LARGE1: variants seen among roughly 807,000 people sequenced by gnomAD.
LARGE1 encodes the protein LARGE xylosyl- and glucuronyltransferase 1.
Under a neutral mutation model 87.6 loss-of-function variants are expected in LARGE1, and 43 were observed. The observed-to-expected ratio is 0.49, with a 90% CI of 0.38 to 0.63. The LOEUF (loss-of-function observed/expected upper bound fraction) is 0.63. Among genes scored for constraint, LARGE1 ranks in the 30% least tolerant of loss-of-function variants. The probability of loss-of-function intolerance (pLI) is 0.00; values close to 1 mark genes in which losing one functional copy is unlikely to be tolerated. For missense variants in LARGE1, 802 were observed against 1,000.2 expected (o/e 0.80, Z 2.67); for synonymous variants, 434 against 394.6 (o/e 1.10, Z -1.18).
the LARGE1 span, among the ~76,000 whole-genome samples, chr22:33,111,413 T>G: frequency 6.6e-6 from 1 of 152,144 alleles, no homozygotes; most frequent in Admixed American, 6.5e-5. Context: ...GCTTCTATGA[T>G]TATAGCCACA....
At chr22:33,615,415 G>A (rs1468760279) in intron 4 of LARGE1, among the ~76,000 whole-genome samples, 2 of 152,064 alleles carry the variant, frequency 1.3e-5, no homozygotes, top group East Asian at 1.9e-4. Context: ...TTTTAACATT[G>A]GGTTAGGTAA....
chr22:33,914,530 A>G (rs1381878817), intron 1 of LARGE1, among the ~76,000 whole-genome samples: 1 of 152,228 alleles, frequency 6.6e-6, no homozygotes, highest in African/African-American at 2.4e-5. Flanking sequence ...ACATTTCAGA[A>G]CTAACGGGTT....
intron 6 of LARGE1, among the ~76,000 whole-genome samples, chr22:33,444,507 C>T (rs1038778973): frequency 4.6e-5 from 7 of 152,028 alleles, no homozygotes; most frequent in South Asian, 2.1e-4. Flanking sequence ...CCTTGCATGG[C>T]GAAGTGGTCA....
chr22:33,880,404 T>C (rs1212359450), intron 1 of LARGE1, among the ~76,000 whole-genome samples: 1 of 152,212 alleles, frequency 6.6e-6, no homozygotes, highest in Admixed American at 6.5e-5. Context: ...GCCATTACCA[T>C]GCCAGCATTC....
downstream of LARGE1, among the ~76,000 whole-genome samples, chr22:33,160,699 G>A (rs1031340420): frequency 6.6e-6 from 1 of 152,204 alleles, no homozygotes; most frequent in Non-Finnish European, 1.5e-5. Context: ...GGGAGGTTGC[G>A]TGGAGGCAGT....
intron 1 of LARGE1, among the ~76,000 whole-genome samples, chr22:33,904,227 C>T (rs2065368641): frequency 6.6e-6 from 1 of 151,930 alleles, no homozygotes; most frequent in African/African-American, 2.4e-5. Flanking sequence ...CCAGGCTGGG[C>T]TCACTGCAAC....
chr22:33,484,786 A>G (rs1447039393), intron 6 of LARGE1, among the ~76,000 whole-genome samples: 3 of 151,938 alleles, frequency 2.0e-5, no homozygotes, highest in African/African-American at 4.8e-5. Flanking sequence ...TCCTCTTCAC[A>G]TCCTCTGACC....
intron 11 of LARGE1, among the ~76,000 whole-genome samples, chr22:33,313,290 C>T (rs535174142): frequency 4.6e-5 from 7 of 152,290 alleles, no homozygotes; most frequent in Admixed American, 4.6e-4. Flanking sequence ...GTCCACTCAG[C>T]CTCCAACTCA....
At chr22:33,568,859 C>CATGGATGG (rs560703342) in intron 5 of LARGE1, among the ~76,000 whole-genome samples, 10 of 150,366 alleles carry the variant, frequency 6.7e-5, no homozygotes, top group Admixed American at 2.7e-4. Flanking sequence ...TGGATGAATG[C>CATGGATGG]ATGGATGGAT....
intron 7 of LARGE1, among the ~76,000 whole-genome samples, chr22:33,426,938 C>A (rs888191874): frequency 6.6e-6 from 1 of 152,174 alleles, no homozygotes; most frequent in African/African-American, 2.4e-5. Flanking sequence ...TGCAAATAAA[C>A]CTATCTGCAA....
At chr22:33,852,737 T>G (rs2063631207) in intron 1 of LARGE1, among the ~76,000 whole-genome samples, 1 of 151,070 alleles carries the variant, frequency 6.6e-6, no homozygotes, top group Non-Finnish European at 1.5e-5. Context: ...ACACCTGTAG[T>G]CCCAGCTACT....
chr22:33,671,134 G>C (rs1315576139), intron 2 of LARGE1, among the ~76,000 whole-genome samples: 1 of 152,136 alleles, frequency 6.6e-6, no homozygotes, highest in East Asian at 1.9e-4. Flanking sequence ...GGGCCTTCTA[G>C]GCACACCAAA....
At chr22:33,619,641 A>G (rs2079684660) in intron 4 of LARGE1, among the ~76,000 whole-genome samples, 1 of 152,128 alleles carries the variant, frequency 6.6e-6, no homozygotes, top group Admixed American at 6.6e-5. Flanking sequence ...CAGATTCTGA[A>G]GCTAGATTGC....
intron 2 of LARGE1, 75 bp from the exon 3 acceptor site, chr22:33,650,743 C>A: frequency 6.5e-7 from 1 of 1,533,092 alleles, no homozygotes; most frequent in South Asian, 1.1e-5. Flanking sequence ...CCCCAGACAT[C>A]CCTTACTACA....
At chr22:33,468,446 C>T (rs2068703786) in intron 6 of LARGE1, among the ~76,000 whole-genome samples, 1 of 152,116 alleles carries the variant, frequency 6.6e-6, no homozygotes, top group African/African-American at 2.4e-5. Flanking sequence ...CTTTTAAAAA[C>T]ACAAATAAAC....
At chr22:33,581,319 A>G (rs1378631380) in intron 5 of LARGE1, among the ~76,000 whole-genome samples, 1 of 152,204 alleles carries the variant, frequency 6.6e-6, no homozygotes, top group East Asian at 1.9e-4. Flanking sequence ...GAGACTGTGA[A>G]GCATCACGTA....
intron 4 of LARGE1, among the ~76,000 whole-genome samples, chr22:33,605,250 T>C (rs1156331232): frequency 1.3e-5 from 2 of 152,098 alleles, no homozygotes; most frequent in African/African-American, 4.8e-5. Context: ...TTTAATACTT[T>C]TGATAATAAA....
the LARGE1 span, among the ~76,000 whole-genome samples, chr22:33,145,249 A>G: frequency 6.6e-6 from 1 of 152,094 alleles, no homozygotes; most frequent in Non-Finnish European, 1.5e-5. Flanking sequence ...TTACCTGGAG[A>G]TATTGAGATA....
At chr22:33,507,572 T>C (rs985598416) in intron 6 of LARGE1, among the ~76,000 whole-genome samples, 12 of 152,176 alleles carry the variant, frequency 7.9e-5, no homozygotes, top group Non-Finnish European at 8.8e-5. Context: ...ACAGTTATTA[T>C]ATATATTAAT....
Sources: gnomAD v4.1 joint callset for allele counts (sites outside exome capture counted in the v4.1 genomes callset) on GRCh38, gnomAD v4.1.1 for gene constraint, MANE v1.5 for transcripts, NCBI Gene and HGNC (gene_info 2026-07-23, HGNC 2026-07-21) for gene names.